The following ARNT2 variants were observed in gnomAD, a reference collection of about 807,000 sequenced individuals.
ARNT2 encodes ARNT protein 2.
In ARNT2, 36 loss-of-function variants were observed where a neutral mutation model predicts 91.7. The observed-to-expected ratio is 0.39, with a 90% confidence interval of 0.30 to 0.52. The LOEUF (loss-of-function observed/expected upper bound fraction) is 0.52, where lower values mean the gene tolerates loss of function less well. ARNT2 is among the 20% of genes least tolerant of loss of function. The pLI is 0.72. For synonymous variants in ARNT2, 365 were observed against 347.1 expected (o/e 1.05, Z -0.57); for missense variants, 775 against 939.3 (o/e 0.83, Z 2.29).
intron 12 of ARNT2, among the ~76,000 whole-genome samples, chr15:80,571,914 C>A (rs979191312): frequency 2.6e-5 from 4 of 152,166 alleles, no homozygotes; most frequent in Non-Finnish European, 5.9e-5. Context: ...ACTTCAGTTT[C>A]TTAACTTTAA....
intron 5 of ARNT2, among the ~76,000 whole-genome samples, chr15:80,507,282 A>G (rs1247246495): frequency 2.0e-5 from 3 of 152,102 alleles, no homozygotes; most frequent in Admixed American, 6.5e-5. Flanking sequence ...AAATGCACTG[A>G]GGTTCACTGC....
chr15:80,424,812 C>A (rs1256199430), intron 1 of ARNT2, among the ~76,000 whole-genome samples: 1 of 150,836 alleles, frequency 6.6e-6, no homozygotes, highest in Non-Finnish European at 1.5e-5. Context: ...GAATGGATTT[C>A]TAATTTGTCT....
In ARNT2 at chr15:80,513,982, T is replaced by C; in HGVS notation, c.791+6T>C. On this transcript the variant is annotated splice_donor_region_variant and intron_variant, in intron 7 of 18. Coordinates refer to ENST00000303329, the MANE Select transcript of ARNT2 (RefSeq NM_014862.4). ...ACCATGAGGAAAAGGTTCAGGTCAGTATCTCTTCCGATGTATATTTTGGGA... is the reference window on the plus strand; with the variant it reads ...ACCATGAGGAAAAGGTTCAGGTCAGCATCTCTTCCGATGTATATTTTGGGA... 6.2e-7 allele frequency: 1 copy of C among 1,609,790 alleles called. No individual in the cohort carries two copies. Among genetic ancestry groups the C allele is most frequent in the African/African-American group, 1.3e-5 (1 of 74,930 alleles).
intron 1 of ARNT2, among the ~76,000 whole-genome samples, chr15:80,436,567 C>T (rs550384700): frequency 6.6e-6 from 1 of 152,208 alleles, no homozygotes. Context: ...ACACCCACAT[C>T]CTCCAGATGA....
chr15:80,491,453 C>T (rs1345975288), intron 5 of ARNT2, among the ~76,000 whole-genome samples: 2 of 152,086 alleles, frequency 1.3e-5, no homozygotes, highest in Non-Finnish European at 2.9e-5. Flanking sequence ...TACCTCCCAC[C>T]GGATCCCTTC....
chr15:80,511,461 A>G (rs961330800), intron 6 of ARNT2, among the ~76,000 whole-genome samples: 1 of 152,098 alleles, frequency 6.6e-6, no homozygotes, highest in Non-Finnish European at 1.5e-5. Context: ...AATAATCTGT[A>G]CAACAAAGCC....
chr15:80,572,460 C>T (rs1241108586), intron 12 of ARNT2, among the ~76,000 whole-genome samples: 1 of 151,720 alleles, frequency 6.6e-6, no homozygotes, highest in African/African-American at 2.4e-5. Context: ...CAGCCACTTC[C>T]TCATCCTAGA....
At position 80,420,349 on chromosome 15, in the gene ARNT2, T is replaced by G. The variant is rs191235031; in HGVS notation, c.31+15803T>G. ...TATTTGGTACAGTACTCTCCCAAGATGCCAGGCCAGATCATGTGACACAAA... is the reference window on the plus strand; with the variant it reads ...TATTTGGTACAGTACTCTCCCAAGAGGCCAGGCCAGATCATGTGACACAAA... On this transcript the variant is annotated intron_variant, in intron 1 of 18. Transcript: ENST00000303329. 2.0e-5 allele frequency among the ~76,000 whole-genome samples: 3 copies of G among 152,278 alleles called. No individual in the cohort carries two copies. The East Asian group carries it at 5.8e-4, about 29-fold the overall frequency.
chr15:80,531,322 G>A (rs1202321729), intron 8 of ARNT2, among the ~76,000 whole-genome samples: 5 of 152,210 alleles, frequency 3.3e-5, no homozygotes, highest in Non-Finnish European at 5.9e-5. Context: ...GCAGTTTCCA[G>A]TTAAATTTCA....
At chr15:80,581,709 C>T (rs188749545) in intron 17 of ARNT2, among the ~76,000 whole-genome samples, 56 of 152,200 alleles carry the variant, frequency 3.7e-4, no homozygotes, top group Admixed American at 1.3e-3. Context: ...TTTCAGGTCC[C>T]CCAAGTCAAA....
intron 1 of ARNT2, among the ~76,000 whole-genome samples, chr15:80,412,295 C>G (rs1278902025): frequency 2.0e-5 from 3 of 152,168 alleles, no homozygotes; most frequent in Non-Finnish European, 4.4e-5. Flanking sequence ...ATTGTGAGAA[C>G]ATACAAAGCA....
intron 5 of ARNT2, among the ~76,000 whole-genome samples, chr15:80,498,906 A>C (rs1427499606): frequency 6.6e-6 from 1 of 152,172 alleles, no homozygotes; most frequent in Admixed American, 6.5e-5. Context: ...CAGACTTCCC[A>C]GAGCAGTTGT....
chr15:80,408,557 T>C (rs1895636289), intron 1 of ARNT2, among the ~76,000 whole-genome samples: 1 of 152,222 alleles, frequency 6.6e-6, no homozygotes, highest in South Asian at 2.1e-4. Context: ...TCAGTGCTCT[T>C]GGGGACTCAG....
At position 80,525,437 on chromosome 15, in the gene ARNT2, G is replaced by A. The variant is rs925462180; in HGVS notation, c.877+11032G>A. Reference sequence around the variant, plus strand: ...TGTTTAGATCCCTCAAGAGCAAGAGGCATGCTTTGTTCATCATCTCATTCT... The same window carrying A: ...TGTTTAGATCCCTCAAGAGCAAGAGACATGCTTTGTTCATCATCTCATTCT... On this transcript the variant is annotated intron_variant, in intron 8 of 18. Transcript: ENST00000303329. Among the ~76,000 whole-genome samples, 6 of 152,258 alleles carry A rather than the reference G, an allele frequency of 3.9e-5. No homozygotes were observed. In the South Asian group the frequency reaches 1.2e-3, roughly 32 times the overall value.
rs751933055 is a variant in ARNT2 at position 80,457,916 on chromosome 15, C to A, written c.147-13C>A. The A allele has an allele frequency of 2.5e-6, 4 of 1,613,982 alleles. No homozygotes were observed. The South Asian group carries it at 3.3e-5, about 13-fold the overall frequency. ...CTAATAATCAGTGCTCACTTGTGATCTTGACTTTTCAGAATGGACTTCGAT... is the reference window on the plus strand; with the variant it reads ...CTAATAATCAGTGCTCACTTGTGATATTGACTTTTCAGAATGGACTTCGAT... On this transcript the variant is annotated splice_polypyrimidine_tract_variant and intron_variant, in intron 2 of 18. Transcript: ENST00000303329.
intron 1 of ARNT2, among the ~76,000 whole-genome samples, chr15:80,446,634 G>C (rs987259826): frequency 6.6e-6 from 1 of 152,192 alleles, no homozygotes; most frequent in African/African-American, 2.4e-5. Context: ...CAGGGTACAG[G>C]GCTGACCGGT....
chr15:80,510,807 A>G (rs952710481), intron 6 of ARNT2, among the ~76,000 whole-genome samples: 5 of 152,194 alleles, frequency 3.3e-5, no homozygotes, highest in Non-Finnish European at 5.9e-5. Flanking sequence ...CAGCCTGGCA[A>G]CAGAGCAAGA....
chr15:80,506,085 C>T (rs1218139400), intron 5 of ARNT2, among the ~76,000 whole-genome samples: 6 of 151,968 alleles, frequency 3.9e-5, no homozygotes, highest in Middle Eastern at 6.8e-3. Context: ...TACAGGTGCC[C>T]GCCACCGCGC....
intron 17 of ARNT2, among the ~76,000 whole-genome samples, chr15:80,590,131 C>T (rs937084891): frequency 2.6e-5 from 4 of 152,148 alleles, no homozygotes; most frequent in South Asian, 2.1e-4. Flanking sequence ...CTCACATTAA[C>T]GCAGTGCCCA....
Sources: allele counts gnomAD v4.1 joint callset (sites outside exome capture counted in the v4.1 genomes callset), GRCh38; gene constraint gnomAD v4.1.1; transcripts MANE v1.5; gene names NCBI Gene and HGNC (gene_info 2026-07-23, HGNC 2026-07-21).